DACH1: variants seen among roughly 807,000 people sequenced by gnomAD.
The protein encoded by DACH1 is dachshund family transcription factor 1, also known as dachshund homolog 1.
DACH1 carries 12 observed loss-of-function variants against 54.2 expected under a neutral mutation model. The observed-to-expected ratio is 0.22, with a 90% confidence interval of 0.14 to 0.36. The LOEUF is 0.36. Among genes scored for constraint, DACH1 ranks in the 10% least tolerant of loss-of-function variants. The pLI, the probability that DACH1 is intolerant of heterozygous loss-of-function variation, is 1.00. For synonymous variants in DACH1, 386 were observed against 366.2 expected (o/e 1.05, Z -0.62); for missense variants, 805 against 929.8 (o/e 0.87, Z 1.75).
intron 1 of DACH1, among the ~76,000 whole-genome samples, chr13:71,753,877 A>G (rs940535697): frequency 1.3e-5 from 2 of 152,212 alleles, no homozygotes; most frequent in African/African-American, 4.8e-5. Flanking sequence ...CAAATCATAC[A>G]AAAGTAATAT....
chr13:71,849,546 T>A (rs1416851000), intron 1 of DACH1, among the ~76,000 whole-genome samples: 1 of 152,178 alleles, frequency 6.6e-6, no homozygotes, highest in Admixed American at 6.5e-5. Context: ...TTCTCCTTTT[T>A]CATGCAGTAG....
intron 6 of DACH1, among the ~76,000 whole-genome samples, chr13:71,547,902 G>T (rs563088162): frequency 5.9e-5 from 9 of 152,026 alleles, no homozygotes; most frequent in Non-Finnish European, 1.2e-4. Context: ...AATTCAAACT[G>T]CTCCAAGCAC....
At chr13:71,546,815 T>C (rs578038411) in intron 6 of DACH1, among the ~76,000 whole-genome samples, 1 of 152,056 alleles carries the variant, frequency 6.6e-6, no homozygotes, top group African/African-American at 2.4e-5. Context: ...AACAATTGAA[T>C]ACTTATTTTA....
intron 1 of DACH1, among the ~76,000 whole-genome samples, chr13:71,858,608 C>T (rs1009637749): frequency 2.6e-5 from 4 of 151,612 alleles, no homozygotes; most frequent in Non-Finnish European, 4.4e-5. Context: ...ATAATCACCA[C>T]GTTGTACAAC....
At chr13:71,850,671 T>G (rs1178092521) in intron 1 of DACH1, among the ~76,000 whole-genome samples, 1 of 152,198 alleles carries the variant, frequency 6.6e-6, no homozygotes, top group East Asian at 1.9e-4. Context: ...GCTATATAAA[T>G]TGTGAAAATT....
intron 1 of DACH1, among the ~76,000 whole-genome samples, chr13:71,790,222 T>A (rs1886776348): frequency 6.6e-6 from 1 of 152,146 alleles, no homozygotes; most frequent in Non-Finnish European, 1.5e-5. Flanking sequence ...TTTTTTTTCT[T>A]ACAGTGCAAA....
At chr13:71,441,946 G>C (rs1874041714) in intron 10 of DACH1, among the ~76,000 whole-genome samples, 1 of 151,748 alleles carries the variant, frequency 6.6e-6, no homozygotes, top group Non-Finnish European at 1.5e-5. Flanking sequence ...ATATTTATGG[G>C]ATACACTGCA....
At chr13:71,825,875 G>A (rs1888357879) in intron 1 of DACH1, among the ~76,000 whole-genome samples, 1 of 152,002 alleles carries the variant, frequency 6.6e-6, no homozygotes, top group Non-Finnish European at 1.5e-5. Flanking sequence ...AACATTATTA[G>A]AATCTATAAT....
At chr13:71,491,340 C>T (rs1878962809) in intron 6 of DACH1, among the ~76,000 whole-genome samples, 1 of 152,124 alleles carries the variant, frequency 6.6e-6, no homozygotes. Flanking sequence ...TTCAGATACT[C>T]CATTTATCCA....
At chr13:71,625,410 G>C (rs1018672056) in intron 3 of DACH1, among the ~76,000 whole-genome samples, 3 of 151,982 alleles carry the variant, frequency 2.0e-5, no homozygotes, top group South Asian at 2.1e-4. Context: ...ACATGTGTTA[G>C]AAGAAAGGAA....
At chr13:71,771,858 G>A (rs139393311) in intron 1 of DACH1, among the ~76,000 whole-genome samples, 102 of 150,772 alleles carry the variant, frequency 6.8e-4, no homozygotes, top group African/African-American at 2.4e-3. Flanking sequence ...TTACATAAAG[G>A]TGGGTTACCA....
At chr13:71,543,937 A>G (rs1201729648) in intron 6 of DACH1, among the ~76,000 whole-genome samples, 1 of 152,170 alleles carries the variant, frequency 6.6e-6, no homozygotes, top group East Asian at 1.9e-4. Context: ...ATCTTTCTCT[A>G]GAATTGTCCC....
At chr13:71,643,902 T>C (rs1232373234) in intron 2 of DACH1, among the ~76,000 whole-genome samples, 1 of 151,810 alleles carries the variant, frequency 6.6e-6, no homozygotes, top group Non-Finnish European at 1.5e-5. Context: ...TAACCAAAAA[T>C]ATATGTTTCT....
chr13:71,542,906 G>A (rs1424673194), intron 6 of DACH1, among the ~76,000 whole-genome samples: 1 of 152,078 alleles, frequency 6.6e-6, no homozygotes, highest in African/African-American at 2.4e-5. Flanking sequence ...GAGATTAAAA[G>A]CTCAGCTATT....
chr13:71,519,106 C>T (rs1881378220), intron 6 of DACH1, among the ~76,000 whole-genome samples: 1 of 151,848 alleles, frequency 6.6e-6, no homozygotes, highest in Middle Eastern at 3.4e-3. Flanking sequence ...TACTATCTCT[C>T]CCTTTATAGA....
intron 6 of DACH1, among the ~76,000 whole-genome samples, chr13:71,541,283 G>A (rs1011309365): frequency 6.6e-6 from 1 of 151,996 alleles, no homozygotes; most frequent in African/African-American, 2.4e-5. Context: ...TTGACAATGA[G>A]TATCAGTTAC....
intron 8 of DACH1, among the ~76,000 whole-genome samples, chr13:71,476,112 T>C (rs531948834): frequency 5.6e-4 from 85 of 152,300 alleles, no homozygotes; most frequent in Non-Finnish European, 7.1e-4. Context: ...ATAAATTTAA[T>C]AGGAAACTAA....
At chr13:71,752,404 T>C (rs182996093) in intron 1 of DACH1, among the ~76,000 whole-genome samples, 4 of 152,260 alleles carry the variant, frequency 2.6e-5, no homozygotes, top group East Asian at 1.9e-4. Flanking sequence ...CCTAGTTTGA[T>C]ATTATTCAAC....
chr13:71,558,995 G>C (rs564287390), intron 5 of DACH1, among the ~76,000 whole-genome samples: 2 of 151,908 alleles, frequency 1.3e-5, no homozygotes, highest in Non-Finnish European at 2.9e-5. Context: ...AAACATAATT[G>C]CATAAAATAA....
Sources: gnomAD v4.1 joint callset for allele counts (sites outside exome capture counted in the v4.1 genomes callset) on GRCh38, gnomAD v4.1.1 for gene constraint, MANE v1.5 for transcripts, NCBI Gene and HGNC (gene_info 2026-07-23, HGNC 2026-07-21) for gene names.